The following AGBL4 variants were observed in gnomAD, a reference collection of about 807,000 sequenced individuals.
The protein encoded by AGBL4 is cytosolic carboxypeptidase 6.
Under a neutral mutation model 66.4 loss-of-function variants are expected in AGBL4, and 58 were observed. That is an observed-to-expected ratio of 0.87 (90% CI 0.71 to 1.09). The LOEUF (loss-of-function observed/expected upper bound fraction) is 1.09. AGBL4 is among the 50% of genes least tolerant of loss of function. AGBL4 has a pLI of 0.00. For missense variants in AGBL4, 579 were observed against 631.0 expected, an observed-to-expected ratio of 0.92 and a Z score of 0.88; for synonymous variants, 234 against 222.9, an observed-to-expected ratio of 1.05 and a Z score of -0.44.
At chr1:49,162,981 A>T (rs1335151165) in intron 4 of AGBL4, among the ~76,000 whole-genome samples, 1 of 152,180 alleles carries the variant, frequency 6.6e-6, no homozygotes, top group Non-Finnish European at 1.5e-5. Flanking sequence ...ACAATTCCAT[A>T]TCTGGGTATT....
Position 49,490,511 on chromosome 1 carries a change from C to T in AGBL4, c.282+206802G>A, listed in dbSNP as rs190702242. ...AATTGTATTTCTAGTGTCATCTTTT[C>T]CTGGTTTTGCTATCAAAGTTTGCTA... On this transcript the variant is annotated intron_variant, in intron 3 of 13. Transcript: ENST00000371839. Among the ~76,000 whole-genome samples the T allele has an allele frequency of 1.7e-3, 256 of 151,564 alleles. 1 individual carries two copies. The highest frequency in any genetic ancestry group is 5.7e-3 in the African/African-American group (234 of 41,400).
At chr1:49,478,318 AAAAGAAGAAGAAGGAGAAG>A (rs1176828993) in intron 3 of AGBL4, among the ~76,000 whole-genome samples, 1 of 152,036 alleles carries the variant, frequency 6.6e-6, no homozygotes, top group African/African-American at 2.4e-5. Context: ...AAGAGGAGCC[AAAAGAAGAAGAAGGAGAAG>A]AAAGAAGAAG....
At chr1:48,852,111 G>T (rs1647048583) in intron 6 of AGBL4, among the ~76,000 whole-genome samples, 1 of 148,406 alleles carries the variant, frequency 6.7e-6, no homozygotes, top group South Asian at 2.1e-4. Flanking sequence ...GCTATTTTAG[G>T]GATGAAAGAC....
chr1:49,650,031 T>C (rs1645969851), intron 3 of AGBL4, among the ~76,000 whole-genome samples: 1 of 152,208 alleles, frequency 6.6e-6, no homozygotes, highest in Non-Finnish European at 1.5e-5. Context: ...CATATATTGC[T>C]AAATAAGAAT....
intron 2 of AGBL4, among the ~76,000 whole-genome samples, chr1:49,841,113 C>G (rs1645979009): frequency 1.3e-5 from 2 of 152,208 alleles, no homozygotes. Flanking sequence ...CCTAGAGACT[C>G]CAGCAAAGGG....
chr1:49,044,457 C>T (rs962591725), intron 5 of AGBL4, among the ~76,000 whole-genome samples: 1 of 151,680 alleles, frequency 6.6e-6, no homozygotes, highest in African/African-American at 2.4e-5. Flanking sequence ...GATCTTGCCA[C>T]TGCACTCCAG....
chr1:49,733,601 C>T (rs913503340), intron 2 of AGBL4, among the ~76,000 whole-genome samples: 1 of 152,094 alleles, frequency 6.6e-6, no homozygotes, highest in Non-Finnish European at 1.5e-5. Context: ...CTTGTTGTAT[C>T]CCCCCAAATT....
chr1:49,978,058 G>T (rs999815760), intron 1 of AGBL4, among the ~76,000 whole-genome samples: 3 of 152,132 alleles, frequency 2.0e-5, no homozygotes, highest in African/African-American at 7.2e-5. Flanking sequence ...CTTCAAATTT[G>T]ACTGAAAATT....
At chr1:49,977,368 T>A (rs777534802) in intron 1 of AGBL4, among the ~76,000 whole-genome samples, 16 of 152,242 alleles carry the variant, frequency 1.1e-4, no homozygotes, top group African/African-American at 2.4e-4. Flanking sequence ...CCTCCCATCT[T>A]CCATGAGCTT....
At chr1:49,949,393 GCAAAAGGAA>G (rs1476962577) in intron 1 of AGBL4, among the ~76,000 whole-genome samples, 1 of 151,760 alleles carries the variant, frequency 6.6e-6, no homozygotes. Flanking sequence ...CTTTTCCATG[GCAAAAGGAA>G]CAGTCAGCAG....
intron 4 of AGBL4, among the ~76,000 whole-genome samples, chr1:49,129,796 C>T (rs1645850298): frequency 6.6e-6 from 1 of 152,006 alleles, no homozygotes; most frequent in Non-Finnish European, 1.5e-5. Flanking sequence ...GTCTTTATAG[C>T]AGCATGATTT....
Position 48,835,570 on chromosome 1 carries a change from T to C in AGBL4, c.634+31621A>G, listed in dbSNP as rs1221771460. ...TTTGAGTTGAGATACAAATGATGTGTAGGTAGTACTAGAGTGAAGAAAGCA... is the reference window on the plus strand; with the variant it reads ...TTTGAGTTGAGATACAAATGATGTGCAGGTAGTACTAGAGTGAAGAAAGCA... On this transcript the variant is annotated intron_variant, in intron 6 of 13. Coordinates refer to ENST00000371839, the MANE Select transcript of AGBL4 (RefSeq NM_032785.4). 2.6e-5 allele frequency among the ~76,000 whole-genome samples: 4 copies of C among 152,130 alleles called. No individual in the cohort carries two copies. The South Asian group carries it at 8.3e-4, about 32-fold the overall frequency.
chr1:48,582,757 A>G (rs1203798473), intron 11 of AGBL4, among the ~76,000 whole-genome samples: 1 of 152,216 alleles, frequency 6.6e-6, no homozygotes, highest in Non-Finnish European at 1.5e-5. Flanking sequence ...CAGAGTGGTG[A>G]GATAACCAGT....
At chr1:49,954,672 A>G (rs1238861123) in intron 1 of AGBL4, among the ~76,000 whole-genome samples, 1 of 151,998 alleles carries the variant, frequency 6.6e-6, no homozygotes, top group Non-Finnish European at 1.5e-5. Context: ...CTGACCAGTT[A>G]GGCATAAATA....
At chr1:49,721,531 G>T (rs1648610602) in intron 2 of AGBL4, among the ~76,000 whole-genome samples, 1 of 152,132 alleles carries the variant, frequency 6.6e-6, no homozygotes, top group Non-Finnish European at 1.5e-5. Context: ...ACAAGTTGCT[G>T]GAGAGGTAGA....
At chr1:49,288,838 C>A (rs893931483) in intron 3 of AGBL4, among the ~76,000 whole-genome samples, 1 of 152,140 alleles carries the variant, frequency 6.6e-6, no homozygotes, top group Non-Finnish European at 1.5e-5. Context: ...AATTCAACCT[C>A]GACTGGATAA....
At chr1:48,853,484 T>A (rs1415035126) in intron 6 of AGBL4, among the ~76,000 whole-genome samples, 3 of 152,232 alleles carry the variant, frequency 2.0e-5, no homozygotes, top group Non-Finnish European at 2.9e-5. Flanking sequence ...ATGGGTCATG[T>A]ACTTTACTAC....
chr1:49,489,864 C>T (rs1026498752), intron 3 of AGBL4, among the ~76,000 whole-genome samples: 3 of 151,666 alleles, frequency 2.0e-5, no homozygotes, highest in Non-Finnish European at 4.4e-5. Context: ...GTTCTCTATT[C>T]TTTTCTATCG....
At chr1:49,294,492 A>G (rs1043833083) in intron 3 of AGBL4, among the ~76,000 whole-genome samples, 5 of 152,218 alleles carry the variant, frequency 3.3e-5, no homozygotes, top group African/African-American at 1.2e-4. Flanking sequence ...AGACCAATTC[A>G]ACATCAGCTA....
Sources: allele counts gnomAD v4.1 joint callset (sites outside exome capture counted in the v4.1 genomes callset), GRCh38; gene constraint gnomAD v4.1.1; transcripts MANE v1.5; gene names NCBI Gene and HGNC (gene_info 2026-07-23, HGNC 2026-07-21).